ZNF362: variants seen among roughly 807,000 people sequenced by gnomAD.
The protein encoded by ZNF362 is zinc finger protein 362.
In ZNF362, 11 loss-of-function variants were observed where a neutral mutation model predicts 42.9. The observed-to-expected ratio is 0.26, with a 90% CI of 0.16 to 0.42. The LOEUF (loss-of-function observed/expected upper bound fraction) is 0.42. ZNF362 is among the 20% of genes least tolerant of loss of function. ZNF362 has a pLI of 1.00. For synonymous variants in ZNF362, 255 were observed against 257.3 expected (o/e 0.99, Z 0.09); for missense variants, 362 against 576.2 (o/e 0.63, Z 3.81).
At chr1:33,277,577 A>G (rs1483914838) in intron 4 of ZNF362, among the ~76,000 whole-genome samples, 5 of 152,182 alleles carry the variant, frequency 3.3e-5, no homozygotes, top group African/African-American at 1.2e-4. Flanking sequence ...GGGGGTAAGC[A>G]TGGAAGCAGG....
chr1:33,172,448 C>G, the ZNF362 span, among the ~76,000 whole-genome samples: 1 of 151,898 alleles, frequency 6.6e-6, no homozygotes, highest in Non-Finnish European at 1.5e-5. Context: ...GAGTCACAAG[C>G]TGGAAAGGCC....
At chr1:33,179,200 C>T in the ZNF362 span, among the ~76,000 whole-genome samples, 12 of 152,212 alleles carry the variant, frequency 7.9e-5, no homozygotes, top group African/African-American at 1.2e-4. Flanking sequence ...GCGCCTAAAA[C>T]GATGGCTCTG....
chr1:33,266,719 A>T lies in ZNF362; in HGVS notation c.-88-3768A>T, dbSNP rs1645867525. Among the ~76,000 whole-genome samples, 1 of 152,170 alleles carries T rather than the reference A, an allele frequency of 6.6e-6. No individual in the cohort carries two copies. On this transcript the variant is annotated intron_variant, in intron 1 of 8. Coordinates refer to ENST00000539719, the MANE Select transcript of ZNF362 (RefSeq NM_152493.3). This position sits in a 1 kb window ranked among gnomAD's most constrained non-coding sequence, Gnocchi z 4.3. ...GCCAGCTGAGCAGAGTTTTGAGGGC[A>T]GGGTTCCAGCTGGGTGGTATGGCTC...
the ZNF362 span, among the ~76,000 whole-genome samples, chr1:33,197,904 G>A: frequency 6.6e-5 from 10 of 152,216 alleles, no homozygotes; most frequent in South Asian, 4.2e-4. Flanking sequence ...TCTTCCCACC[G>A]GCCACAGTAG....
chr1:33,181,103 G>C, the ZNF362 span: 3 of 1,600,056 alleles, frequency 1.9e-6, no homozygotes, highest in Admixed American at 5.0e-5. The surrounding 1 kb of genome is among the most constrained non-coding windows in gnomAD (Gnocchi z 6.5). Flanking sequence ...AGAAGAAGCA[G>C]AGAAGCGCGC....
the ZNF362 span, among the ~76,000 whole-genome samples, chr1:33,168,320 G>T: frequency 6.6e-6 from 1 of 152,232 alleles, no homozygotes; most frequent in African/African-American, 2.4e-5. Context: ...AGTCCCTGAT[G>T]ACTGTGGGGC....
the ZNF362 span, among the ~76,000 whole-genome samples, chr1:33,203,551 T>G: frequency 6.6e-6 from 1 of 152,236 alleles, no homozygotes; most frequent in Non-Finnish European, 1.5e-5. Context: ...ACCTCCATGC[T>G]GTTTTCCACA....
At chr1:33,195,248 AT>A in the ZNF362 span, 1 of 152,232 alleles carries the variant, frequency 6.6e-6, no homozygotes, top group South Asian at 2.1e-4. Flanking sequence ...GGTTTAACTA[AT>A]CTCAGACTTT....
the ZNF362 span, among the ~76,000 whole-genome samples, chr1:33,226,130 G>A: frequency 6.6e-6 from 1 of 152,192 alleles, no homozygotes; most frequent in Non-Finnish European, 1.5e-5. Context: ...AGGGAGTGCT[G>A]TTGGGATGGC....
chr1:33,285,271 G>T (rs1263643667), intron 6 of ZNF362, among the ~76,000 whole-genome samples: 1 of 151,966 alleles, frequency 6.6e-6, no homozygotes, highest in South Asian at 2.1e-4. Flanking sequence ...AAAATTAGCC[G>T]AGTGTGGTGG....
the ZNF362 span, among the ~76,000 whole-genome samples, chr1:33,128,542 A>T: frequency 6.6e-6 from 1 of 152,180 alleles, no homozygotes; most frequent in Non-Finnish European, 1.5e-5. Context: ...CAGATTGGGA[A>T]AGTCTCTGCC....
chr1:33,287,443 G>A (rs575945810), intron 6 of ZNF362, among the ~76,000 whole-genome samples: 13 of 152,294 alleles, frequency 8.5e-5, no homozygotes, highest in South Asian at 6.2e-4. Flanking sequence ...CTGAGATCAC[G>A]CCACTGCACT....
At chr1:33,200,540 T>C in the ZNF362 span, among the ~76,000 whole-genome samples, 2 of 152,200 alleles carry the variant, frequency 1.3e-5, no homozygotes, top group Admixed American at 1.3e-4. Context: ...GGCACAGCTA[T>C]ATGTTACTTA....
chr1:33,188,421 G>T, the ZNF362 span, among the ~76,000 whole-genome samples: 4 of 152,174 alleles, frequency 2.6e-5, no homozygotes, highest in Admixed American at 2.6e-4. Context: ...CATGTTATGG[G>T]GGAATGCTTT....
chr1:33,135,063 A>T, the ZNF362 span, among the ~76,000 whole-genome samples: 215 of 152,296 alleles, frequency 1.4e-3, 2 homozygotes, highest in Non-Finnish European at 5.0e-4. Context: ...ATGTGGGTGG[A>T]TCACCTGAGT....
At chr1:33,279,497 AC>A (rs1202159946) in intron 4 of ZNF362, among the ~76,000 whole-genome samples, 1 of 151,834 alleles carries the variant, frequency 6.6e-6, no homozygotes, top group East Asian at 1.9e-4. Flanking sequence ...TTTTAAAAAA[AC>A]ATAGAACCAC....
chr1:33,133,777 G>C, the ZNF362 span, among the ~76,000 whole-genome samples: 1 of 152,216 alleles, frequency 6.6e-6, no homozygotes, highest in East Asian at 1.9e-4. Context: ...ACACGGAGGA[G>C]GCATGGTGCA....
At chr1:33,274,928 T>G in intron 2 of ZNF362, 1 of 984,766 alleles carries the variant, frequency 1.0e-6, no homozygotes, top group Non-Finnish European at 1.2e-6. Context: ...AATTTCTTTC[T>G]TAAAATATTG....
the ZNF362 span, among the ~76,000 whole-genome samples, chr1:33,245,447 G>C: frequency 1.3e-5 from 2 of 151,728 alleles, no homozygotes; most frequent in Non-Finnish European, 2.9e-5. Flanking sequence ...TGGGTTAAAT[G>C]GTGCCCACCC....
Sources: allele counts gnomAD v4.1 joint callset (sites outside exome capture counted in the v4.1 genomes callset), GRCh38; gene constraint gnomAD v4.1.1; non-coding constraint Gnocchi (gnomAD v3.1); transcripts MANE v1.5; gene names NCBI Gene and HGNC (gene_info 2026-07-23, HGNC 2026-07-21).